The following SLCO1A2 variants were observed in gnomAD, a reference collection of about 807,000 sequenced individuals.
SLCO1A2 encodes solute carrier organic anion transporter family member 1A2.
In SLCO1A2, 67 loss-of-function variants were observed where a neutral mutation model predicts 69.0. The ratio of observed to expected loss-of-function variants is 0.97; its 90% CI spans 0.80 to 1.19. SLCO1A2 has a LOEUF of 1.19. SLCO1A2 is among the 50% of genes most tolerant of loss of function. SLCO1A2 has a pLI of 0.00. For missense variants in SLCO1A2, 787 were observed against 793.7 expected, an observed-to-expected ratio of 0.99 and a Z score of 0.10; for synonymous variants, 260 against 265.9, an observed-to-expected ratio of 0.98 and a Z score of 0.22.
At chr12:21,271,044 C>A (rs142817381) in intron 14 of SLCO1A2, among the ~76,000 whole-genome samples, 163 of 151,794 alleles carry the variant, frequency 1.1e-3, no homozygotes, top group Non-Finnish European at 1.9e-3. Context: ...AAAATGGACA[C>A]CAGTGATTGG....
intron 1 of SLCO1A2, chr12:21,374,541 A>C: frequency 6.6e-6 from 1 of 152,226 alleles, no homozygotes; most frequent in Non-Finnish European, 1.5e-5. Flanking sequence ...TATAATAAAT[A>C]GCAAGAATCA....
intron 14 of SLCO1A2, among the ~76,000 whole-genome samples, chr12:21,272,050 C>CTT (rs1942971592): frequency 6.6e-6 from 1 of 151,402 alleles, no homozygotes; most frequent in Non-Finnish European, 1.5e-5. Flanking sequence ...AGACTGCATT[C>CTT]TTTTCCACTT....
intron 12 of SLCO1A2, among the ~76,000 whole-genome samples, chr12:21,287,621 A>G (rs1191979128): frequency 7.4e-6 from 1 of 134,690 alleles, no homozygotes; most frequent in Admixed American, 7.2e-5. Flanking sequence ...CAAATGTTCA[A>G]CAATGATAGA....
intron 1 of SLCO1A2, among the ~76,000 whole-genome samples, chr12:21,402,739 T>G (rs1941746780): frequency 6.6e-6 from 1 of 152,098 alleles, no homozygotes; most frequent in Non-Finnish European, 1.5e-5. Context: ...GTAATGATGA[T>G]CCTGTATTTG....
At chr12:21,276,772 T>G (rs1181284843) in intron 12 of SLCO1A2, among the ~76,000 whole-genome samples, 2 of 152,140 alleles carry the variant, frequency 1.3e-5, no homozygotes, top group Admixed American at 1.3e-4. Flanking sequence ...CTTTATTAAA[T>G]CCTGTGCTGC....
rs11568573 is a variant in SLCO1A2 at position 21,295,807 on chromosome 12, A to G, written c.1076-15T>C. 4,211 of 1,347,330 alleles carry G rather than the reference A, an allele frequency of 3.1e-3. 102 individuals carry two copies. The African/African-American group carries it at 0.055, about 18-fold the overall frequency. 83.5% of individuals were successfully genotyped at this position (1,347,330 alleles called of 1,614,324 possible). A position where few individuals can be genotyped will look rare whatever the true frequency, so the allele number is the denominator to read the frequency against. On this transcript the variant is annotated splice_polypyrimidine_tract_variant and intron_variant, in intron 9 of 14. Transcript: ENST00000683939. ...GTTATAAATACCTATAAATGCAAAT[A>G]AAATATTATTTACAAAATGACTTAC...
At chr12:21,335,246 C>T (rs543639432), upstream of SLCO1A2, among the ~76,000 whole-genome samples, 22 of 151,830 alleles carry the variant, frequency 1.4e-4, no homozygotes, top group Non-Finnish European at 2.4e-4. Context: ...TGGGGAGACA[C>T]GGAATTTTAA....
rs1003754273 is a variant in SLCO1A2, at chr12:21,268,149, T to C, written c.*1399A>G. 2 of 152,128 alleles carry C rather than the reference T, an allele frequency of 1.3e-5. No homozygotes were observed. Among genetic ancestry groups the C allele is most frequent in the Non-Finnish European group, 2.9e-5 (2 of 68,016 alleles). The allele number at this position is 152,128 out of a possible 1,614,324, so 9.4% of individuals were successfully genotyped here. On this transcript the variant is annotated 3_prime_UTR_variant, in exon 15 of 15. Coordinates refer to ENST00000683939, the MANE Select transcript of SLCO1A2 (RefSeq NM_001386879.1). ...ATCATATTAACCTGTAAAGCATCTG[T>C]ACAAAGTCCTTCAGTTAACTGGCCT...
At chr12:21,361,309 C>G (rs1281509542) in intron 2 of SLCO1A2, among the ~76,000 whole-genome samples, 1 of 152,198 alleles carries the variant, frequency 6.6e-6, no homozygotes, top group African/African-American at 2.4e-5. Flanking sequence ...TCCAACAGAC[C>G]TGCAGTTGAG....
chr12:21,321,229 C>T (rs1951577278), intron 2 of SLCO1A2, among the ~76,000 whole-genome samples: 1 of 152,202 alleles, frequency 6.6e-6, no homozygotes, highest in Non-Finnish European at 1.5e-5. Context: ...TTCTTTCTCT[C>T]TTCTTTGGTC....
intron 3 of SLCO1A2, among the ~76,000 whole-genome samples, chr12:21,315,568 G>A (rs1239784613): frequency 6.6e-6 from 1 of 152,106 alleles, no homozygotes; most frequent in African/African-American, 2.4e-5. Flanking sequence ...TTTTCCTCAA[G>A]GAGTTAATAA....
intron 12 of SLCO1A2, among the ~76,000 whole-genome samples, chr12:21,278,921 G>A (rs1441572934): frequency 6.6e-6 from 1 of 152,066 alleles, no homozygotes; most frequent in Non-Finnish European, 1.5e-5. Context: ...ATTCAAAATG[G>A]CTATTTTGAG....
rs950470068 is a variant in SLCO1A2 at position 21,364,812 on chromosome 12, T to A, written c.-63+9587A>T. ...CCATTCACAGTTGCTTCAAAGAGAATAAAATACCTAGGAATCCAACTTACA... is the reference window on the plus strand; with the variant it reads ...CCATTCACAGTTGCTTCAAAGAGAAAAAAATACCTAGGAATCCAACTTACA... On this transcript the variant is annotated intron_variant, in intron 2 of 15. Coordinates refer to the SLCO1A2 transcript ENST00000307378. 2.0e-5 allele frequency among the ~76,000 whole-genome samples: 3 copies of A among 152,034 alleles called. No homozygotes were observed. In the South Asian group the frequency reaches 6.2e-4, roughly 31 times the overall value.
At chr12:21,417,049 T>A (rs573961081) in intron 1 of SLCO1A2, among the ~76,000 whole-genome samples, 1 of 152,292 alleles carries the variant, frequency 6.6e-6, no homozygotes, top group African/African-American at 2.4e-5. Context: ...GTAAGCTCCA[T>A]GAATGCAGTA....
chr12:21,351,576 G>A (rs971803856), intron 2 of SLCO1A2, among the ~76,000 whole-genome samples: 1 of 151,998 alleles, frequency 6.6e-6, no homozygotes, highest in East Asian at 1.9e-4. Context: ...AGGAGTTCGA[G>A]ACAAGCCTGG....
At chr12:21,398,538 A>G (rs1028081943), upstream of SLCO1A2, among the ~76,000 whole-genome samples, 1 of 151,888 alleles carries the variant, frequency 6.6e-6, no homozygotes, top group Non-Finnish European at 1.5e-5. Context: ...GGCCAGCATC[A>G]TTCTGATACC....
At chr12:21,396,775 C>T (rs1183750607), upstream of SLCO1A2, among the ~76,000 whole-genome samples, 7 of 151,932 alleles carry the variant, frequency 4.6e-5, no homozygotes, top group Admixed American at 4.6e-4. Flanking sequence ...CCAAACTAAG[C>T]TTCATAAGTG....
At chr12:21,400,183 A>G (rs1941640292), upstream of SLCO1A2, among the ~76,000 whole-genome samples, 1 of 152,226 alleles carries the variant, frequency 6.6e-6, no homozygotes, top group Non-Finnish European at 1.5e-5. Context: ...TTTACAAGAA[A>G]AAAACAAACA....
intron 4 of SLCO1A2, among the ~76,000 whole-genome samples, chr12:21,309,465 A>C (rs1371619640): frequency 6.6e-6 from 1 of 152,180 alleles, no homozygotes; most frequent in Admixed American, 6.5e-5. Context: ...TTAGAACGGC[A>C]TAGGATTCTG....
Sources: gnomAD v4.1 joint callset for allele counts (sites outside exome capture counted in the v4.1 genomes callset) on GRCh38, gnomAD v4.1.1 for gene constraint, MANE v1.5 for transcripts, NCBI Gene and HGNC (gene_info 2026-07-23, HGNC 2026-07-21) for gene names.